Variants in PCDHA1 observed in about 807,000 individuals in gnomAD.
PCDHA1 encodes protocadherin alpha 1.
Under a neutral mutation model 61.3 loss-of-function variants are expected in PCDHA1, and 42 were observed. The ratio of observed to expected loss-of-function variants is 0.69; its 90% CI spans 0.54 to 0.89. The LOEUF (loss-of-function observed/expected upper bound fraction) is 0.89, where lower values mean the gene tolerates loss of function less well. Among genes scored for constraint, PCDHA1 ranks in the 40% least tolerant of loss-of-function variants. PCDHA1 has a pLI of 0.00. For synonymous variants in PCDHA1, 610 were observed against 553.8 expected (o/e 1.10, Z -1.43); for missense variants, 1,256 against 1,235.3 (o/e 1.02, Z -0.25).
chr5:140,965,496 A>ATT lies in PCDHA1; in HGVS notation c.2395-13439_2395-13438dup, dbSNP rs71766133. On this transcript the variant is annotated intron_variant, in intron 1 of 3. Coordinates refer to ENST00000504120, the MANE Select transcript of PCDHA1 (RefSeq NM_018900.4). Reference sequence around the variant, plus strand: ...CCCACATTTTGCTTAATGACAGCAGATTTTTTTTTTTTTTTAACTGCAAAG... The same window carrying ATT: ...CCCACATTTTGCTTAATGACAGCAGATTTTTTTTTTTTTTTTTAACTGCAAAG... Among the ~76,000 whole-genome samples the ATT allele has an allele frequency of 3.3e-3, 482 of 146,482 alleles. 3 individuals are homozygous for ATT. The highest frequency in any genetic ancestry group is 0.011 in the African/African-American group (455 of 40,032).
chr5:140,800,221 T>G (rs1762526327), intron 1 of PCDHA1, among the ~76,000 whole-genome samples: 1 of 152,126 alleles, frequency 6.6e-6, no homozygotes, highest in Admixed American at 6.5e-5. Context: ...GATGTGAGTG[T>G]AACAAATATA....
At chr5:140,969,670 T>C (rs1481481821) in intron 1 of PCDHA1, among the ~76,000 whole-genome samples, 1 of 152,192 alleles carries the variant, frequency 6.6e-6, no homozygotes, top group African/African-American at 2.4e-5. Context: ...AGTAATGTTA[T>C]GAGACTCAAG....
Position 140,883,457 on chromosome 5 carries a change from C to T in PCDHA1, c.2394+94773C>T, listed in dbSNP as rs142331981. Reference sequence around the variant, plus strand: ...CTTGACGCCGCATGTCCCCTTCAAGCTGGTGTCCACCTACAAGAACTACTA... The same window carrying T: ...CTTGACGCCGCATGTCCCCTTCAAGTTGGTGTCCACCTACAAGAACTACTA... On this transcript the variant is annotated intron_variant, in intron 1 of 3. Coordinates refer to ENST00000504120, the MANE Select transcript of PCDHA1 (RefSeq NM_018900.4). 3.6e-4 allele frequency: 576 copies of T among 1,614,196 alleles called. 4 individuals are homozygous for T. In the African/African-American group the frequency reaches 6.4e-3, roughly 18 times the overall value.
intron 1 of PCDHA1, among the ~76,000 whole-genome samples, chr5:140,925,279 C>T (rs1477579286): frequency 6.6e-6 from 1 of 152,058 alleles, no homozygotes; most frequent in African/African-American, 2.4e-5. Context: ...TCAGATTTTG[C>T]CTTTCAAATG....
intron 1 of PCDHA1, chr5:140,825,961 T>C (rs937523362): frequency 1.3e-5 from 2 of 152,362 alleles, no homozygotes; most frequent in African/African-American, 2.4e-5. Context: ...TTGTCTACTC[T>C]TTTGAGGGGA....
rs189065461 is a variant in PCDHA1, at chr5:140,869,908, C to A, written c.2394+81224C>A. ...TGTGCTCAAACTAAACGCCACAGACCGAGACGAAGGAGTCAATGGAGAGGT... is the reference window on the plus strand; with the variant it reads ...TGTGCTCAAACTAAACGCCACAGACAGAGACGAAGGAGTCAATGGAGAGGT... On this transcript the variant is annotated intron_variant, in intron 1 of 3. Coordinates refer to ENST00000504120, the MANE Select transcript of PCDHA1 (RefSeq NM_018900.4). 6.2e-6 allele frequency: 10 copies of A among 1,610,646 alleles called. No homozygotes were observed. In the Admixed American group the frequency reaches 6.7e-5, roughly 11 times the overall value.
chr5:140,829,894 A>G lies in PCDHA1; in HGVS notation c.2394+41210A>G, dbSNP rs201316180. The G allele has an allele frequency of 1.1e-4, 179 of 1,613,954 alleles. No homozygotes were observed. In the East Asian group the frequency reaches 2.9e-3, roughly 27 times the overall value. On this transcript the variant is annotated intron_variant, in intron 1 of 3. Transcript: ENST00000504120. ...AGGTGCGCGCAGTTGACGCCGACTC[A>G]GGCTACAACGCGTGGCTTTCGTATG... is the stretch of plus-strand genomic sequence containing the variant.
chr5:140,869,506 C>G (rs782699561), intron 1 of PCDHA1: 20 of 1,614,178 alleles, frequency 1.2e-5, no homozygotes, highest in Admixed American at 6.7e-5. Context: ...GGTGTTCTCG[C>G]TCAGAGAACA....
intron 3 of PCDHA1, chr5:140,988,873 G>A (rs1471282852): frequency 6.6e-6 from 1 of 152,170 alleles, no homozygotes; most frequent in Non-Finnish European, 1.5e-5. Context: ...GCACTCAGAT[G>A]TACGATCCTG....
intron 1 of PCDHA1, among the ~76,000 whole-genome samples, chr5:140,919,051 T>G (rs1443609855): frequency 1.3e-5 from 2 of 152,238 alleles, no homozygotes; most frequent in Non-Finnish European, 2.9e-5. Flanking sequence ...TTATTGGAAG[T>G]GGAGTATTAA....
At chr5:140,967,042 G>A (rs781848948) in intron 1 of PCDHA1, 1 of 1,611,904 alleles carries the variant, frequency 6.2e-7, no homozygotes, top group Admixed American at 1.7e-5. Flanking sequence ...ACCTGGAGCT[G>A]GACCTGACGA....
In PCDHA1 at chr5:140,993,233, G is replaced by A. The variant is rs143093605; in HGVS notation, c.2542+10670G>A. ...TTTAGCTTTTTGGTATGTTCTCTCT[G>A]AATCTGGGGATTTAGATATATAAAT... On this transcript the variant is annotated intron_variant, in intron 3 of 3. Coordinates refer to ENST00000504120, the MANE Select transcript of PCDHA1 (RefSeq NM_018900.4). Among the ~76,000 whole-genome samples the A allele has an allele frequency of 2.0e-5, 3 of 152,224 alleles. No individual in the cohort carries two copies. The East Asian group carries it at 5.8e-4, about 29-fold the overall frequency.
At chr5:140,965,538 A>G (rs1554227750) in intron 1 of PCDHA1, among the ~76,000 whole-genome samples, 1 of 151,958 alleles carries the variant, frequency 6.6e-6, no homozygotes, top group Non-Finnish European at 1.5e-5. Flanking sequence ...TGGAATCCAA[A>G]TTCCAGCCTG....
At chr5:140,958,218 A>C (rs1240262632) in intron 1 of PCDHA1, among the ~76,000 whole-genome samples, 2 of 152,120 alleles carry the variant, frequency 1.3e-5, no homozygotes, top group Admixed American at 1.3e-4. Flanking sequence ...TTAGATTTTA[A>C]AGGACTTTCA....
chr5:140,899,071 C>T (rs1436283947), intron 1 of PCDHA1, among the ~76,000 whole-genome samples: 1 of 152,106 alleles, frequency 6.6e-6, no homozygotes, highest in African/African-American at 2.4e-5. Flanking sequence ...AGTTGCTTAT[C>T]AGCTTAAGGA....
chr5:140,902,703 T>C (rs1451324920), intron 1 of PCDHA1, among the ~76,000 whole-genome samples: 1 of 152,166 alleles, frequency 6.6e-6, no homozygotes, highest in African/African-American at 2.4e-5. Flanking sequence ...GTCTTTTATC[T>C]TTCACTCCCC....
intron 1 of PCDHA1, chr5:140,848,269 G>A: frequency 2.0e-6 from 1 of 502,308 alleles, no homozygotes; most frequent in Non-Finnish European, 3.5e-6. Context: ...TTTTATTCAT[G>A]AAATATGTAC....
At chr5:140,824,245 C>T in intron 1 of PCDHA1, 1 of 1,462,164 alleles carries the variant, frequency 6.8e-7, no homozygotes, top group Admixed American at 1.7e-5. Flanking sequence ...TATTGTGGTA[C>T]ACAATTATTG....
intron 1 of PCDHA1, chr5:140,876,915 C>G: frequency 6.2e-7 from 1 of 1,613,966 alleles, no homozygotes; most frequent in East Asian, 2.2e-5. Flanking sequence ...CGGCATGGGA[C>G]GCGGACGCGC....
Sources: allele counts gnomAD v4.1 joint callset (sites outside exome capture counted in the v4.1 genomes callset), GRCh38; gene constraint gnomAD v4.1.1; transcripts MANE v1.5; gene names NCBI Gene and HGNC (gene_info 2026-07-23, HGNC 2026-07-21).